Variants in SUSD4 observed in about 807,000 individuals in gnomAD.
SUSD4 encodes sushi domain-containing protein 4.
SUSD4 carries 41 observed loss-of-function variants against 50.5 expected under a neutral mutation model. The observed-to-expected ratio is 0.81, with a 90% CI of 0.63 to 1.05. The LOEUF (loss-of-function observed/expected upper bound fraction) is 1.05, where lower values mean the gene tolerates loss of function less well. Among genes scored for constraint, SUSD4 ranks in the 50% least tolerant of loss-of-function variants. The probability of loss-of-function intolerance (pLI) is 0.00; values close to 1 mark genes in which losing one functional copy is unlikely to be tolerated. For missense variants in SUSD4, 580 were observed against 634.7 expected (o/e 0.91, Z 0.93); for synonymous variants, 257 against 257.3 (o/e 1.00, Z 0.01).
intron 2 of SUSD4, among the ~76,000 whole-genome samples, chr1:223,333,483 A>AT (rs1021552579): frequency 1.3e-5 from 2 of 152,182 alleles, no homozygotes; most frequent in Non-Finnish European, 2.9e-5. Flanking sequence ...ACATGTGATC[A>AT]TTTTTCTCTT....
intron 2 of SUSD4, among the ~76,000 whole-genome samples, chr1:223,296,619 A>C (rs894641411): frequency 6.6e-6 from 1 of 152,126 alleles, no homozygotes; most frequent in Non-Finnish European, 1.5e-5. Context: ...AAAGGATGAT[A>C]GAGTTTGGCT....
At chr1:223,242,009 A>C (rs1212511195) in intron 5 of SUSD4, among the ~76,000 whole-genome samples, 3 of 152,158 alleles carry the variant, frequency 2.0e-5, no homozygotes, top group Non-Finnish European at 4.4e-5. Flanking sequence ...TGGCATGATC[A>C]TGGCTCACTG....
chr1:223,322,716 G>A (rs1030739617), intron 2 of SUSD4, among the ~76,000 whole-genome samples: 4 of 152,152 alleles, frequency 2.6e-5, no homozygotes, highest in South Asian at 2.1e-4. Context: ...GGGAGCAGAA[G>A]ACTGCAATGG....
intron 3 of SUSD4, among the ~76,000 whole-genome samples, chr1:223,274,300 G>A (rs928750996): frequency 6.6e-6 from 1 of 152,154 alleles, no homozygotes; most frequent in African/African-American, 2.4e-5. Context: ...AGAAAACGAG[G>A]GGCAAAAATC....
intron 2 of SUSD4, chr1:223,359,096 AC>A (rs1330069104): frequency 6.4e-6 from 3 of 471,112 alleles, no homozygotes; most frequent in South Asian, 4.6e-5. Flanking sequence ...GGGCCGCTGG[AC>A]CAGGGGTTTG....
chr1:223,349,036 C>G (rs1364965461), intron 2 of SUSD4, among the ~76,000 whole-genome samples: 2 of 152,072 alleles, frequency 1.3e-5, no homozygotes, highest in African/African-American at 4.8e-5. Context: ...GATGCGGCCA[C>G]TATGCTGTCT....
chr1:223,277,808 A>G (rs1354742745), intron 3 of SUSD4, among the ~76,000 whole-genome samples: 1 of 152,216 alleles, frequency 6.6e-6, no homozygotes, highest in African/African-American at 2.4e-5. Flanking sequence ...GACAACACTG[A>G]CATTTCTGAT....
intron 5 of SUSD4, among the ~76,000 whole-genome samples, chr1:223,248,622 A>G (rs1418760923): frequency 2.0e-5 from 3 of 151,782 alleles, no homozygotes; most frequent in Non-Finnish European, 2.9e-5. Flanking sequence ...ACATGTGTCT[A>G]CTGAAGGAAG....
chr1:223,334,449 T>A (rs1190001601), intron 2 of SUSD4, among the ~76,000 whole-genome samples: 1 of 152,106 alleles, frequency 6.6e-6, no homozygotes, highest in Non-Finnish European at 1.5e-5. Flanking sequence ...CGAAGAATAT[T>A]TTTTAAATTC....
chr1:223,305,962 A>G (rs1274237682), intron 2 of SUSD4, among the ~76,000 whole-genome samples: 1 of 152,218 alleles, frequency 6.6e-6, no homozygotes, highest in Admixed American at 6.5e-5. Context: ...AAATAGTGAG[A>G]ATGTTTTAAT....
chr1:223,305,298 A>G (rs1375255209), intron 2 of SUSD4, among the ~76,000 whole-genome samples: 4 of 151,974 alleles, frequency 2.6e-5, no homozygotes, highest in Admixed American at 2.6e-4. Context: ...GCTTCAAAGA[A>G]CCCCCTGATT....
In SUSD4 at chr1:223,235,022, G is replaced by C. The variant is rs977750881; in HGVS notation, c.725-5634C>G. ...TGGGGTGGGAGAGGACTTTAACACA[G>C]GGCAAAAATAAAGCACAGCAGCTGC... On this transcript the variant is annotated intron_variant, in intron 5 of 8. Coordinates refer to ENST00000366878, the MANE Select transcript of SUSD4 (RefSeq NM_017982.4). The C allele has an allele frequency of 1.1e-5, 17 of 1,611,334 alleles. No homozygotes were observed. The African/African-American group carries it at 2.1e-4, about 20-fold the overall frequency.
At chr1:223,364,950 T>G (rs943751534), upstream of SUSD4, among the ~76,000 whole-genome samples, 2 of 152,116 alleles carry the variant, frequency 1.3e-5, no homozygotes, top group Non-Finnish European at 2.9e-5. This position sits in a 1 kb window ranked among gnomAD's most constrained non-coding sequence, Gnocchi z 4.5. Context: ...CTTGGTATTT[T>G]CCCTCTGCCA....
chr1:223,295,627 G>C (rs1178959948), intron 2 of SUSD4, among the ~76,000 whole-genome samples: 1 of 152,094 alleles, frequency 6.6e-6, no homozygotes, highest in Non-Finnish European at 1.5e-5. Context: ...TGTCAGGAAA[G>C]AGGTGGCTCT....
chr1:223,243,836 G>A (rs1323931102), intron 5 of SUSD4, among the ~76,000 whole-genome samples: 1 of 152,172 alleles, frequency 6.6e-6, no homozygotes, highest in African/African-American at 2.4e-5. Context: ...CAGCACTATG[G>A]CACCTCCTCC....
chr1:223,251,485 C>T (rs925363473), intron 5 of SUSD4, among the ~76,000 whole-genome samples: 1 of 152,160 alleles, frequency 6.6e-6, no homozygotes, highest in African/African-American at 2.4e-5. Context: ...CCTCCAACAC[C>T]GGGAATCAAA....
chr1:223,320,420 C>T (rs537056807), intron 2 of SUSD4, among the ~76,000 whole-genome samples: 1 of 152,192 alleles, frequency 6.6e-6, no homozygotes, highest in South Asian at 2.1e-4. Flanking sequence ...TAGGCGCTCC[C>T]TCTGGGCCTG....
At position 223,222,142 on chromosome 1, in the gene SUSD4, A is replaced by G; in HGVS notation, c.*50T>C. 4.4e-6 allele frequency: 7 copies of G among 1,597,974 alleles called. No individual in the cohort carries two copies. The highest frequency in any genetic ancestry group is 6.0e-6 in the Non-Finnish European group (7 of 1,170,448). ...CTTCTGTGACCTCACTCCAAGATACAAGGTCCTTTCCCCGAAGGAGCAGGA... is the reference window on the plus strand; with the variant it reads ...CTTCTGTGACCTCACTCCAAGATACGAGGTCCTTTCCCCGAAGGAGCAGGA... On this transcript the variant is annotated 3_prime_UTR_variant, in exon 9 of 9. Transcript: ENST00000366878.
intron 5 of SUSD4, among the ~76,000 whole-genome samples, chr1:223,262,845 C>T (rs1662216502): frequency 6.6e-6 from 1 of 152,150 alleles, no homozygotes; most frequent in African/African-American, 2.4e-5. Flanking sequence ...CTTCCTGGCA[C>T]AGGCAGCTGT....
Sources: allele counts gnomAD v4.1 joint callset (sites outside exome capture counted in the v4.1 genomes callset), GRCh38; gene constraint gnomAD v4.1.1; non-coding constraint Gnocchi (gnomAD v3.1); transcripts MANE v1.5; gene names NCBI Gene and HGNC (gene_info 2026-07-23, HGNC 2026-07-21).